PPFIA1: variants seen among roughly 807,000 people sequenced by gnomAD.
The protein encoded by PPFIA1 is PPFI scaffold protein A1.
In PPFIA1, 25 loss-of-function variants were observed where a neutral mutation model predicts 149.9. The ratio of observed to expected loss-of-function variants is 0.17; its 90% CI spans 0.12 to 0.23. The LOEUF (loss-of-function observed/expected upper bound fraction) is 0.23. Among genes scored for constraint, PPFIA1 ranks in the 10% least tolerant of loss-of-function variants. The pLI is 1.00. For synonymous variants in PPFIA1, 549 were observed against 552.8 expected (o/e 0.99, Z 0.10); for missense variants, 1,362 against 1,506.5 (o/e 0.90, Z 1.59).
intron 10 of PPFIA1, among the ~76,000 whole-genome samples, chr11:70,333,937 C>T (rs2054821023): frequency 6.6e-6 from 1 of 152,168 alleles, no homozygotes; most frequent in African/African-American, 2.4e-5. Flanking sequence ...GTCCACTTTT[C>T]TAGGATATGG....
At chr11:70,320,923 A>G (rs1384675252) in intron 2 of PPFIA1, among the ~76,000 whole-genome samples, 5 of 152,180 alleles carry the variant, frequency 3.3e-5, no homozygotes, top group Non-Finnish European at 7.3e-5. Context: ...CACGCAACAG[A>G]ATCCTGCATC....
intron 1 of PPFIA1, 119 bp from the exon 2 acceptor site, chr11:70,272,049 GCATAA>G: frequency 1.8e-6 from 2 of 1,087,384 alleles, no homozygotes; most frequent in Middle Eastern, 3.1e-4. Flanking sequence ...TACACACAAA[GCATAA>G]CAGATCTGAG....
intron 2 of PPFIA1, among the ~76,000 whole-genome samples, chr11:70,295,181 G>GA (rs1220289135): frequency 6.7e-6 from 1 of 150,094 alleles, no homozygotes; most frequent in Non-Finnish European, 1.5e-5. Flanking sequence ...GCCGGGCGGG[G>GA]GGCTGACCCC....
chr11:70,344,120 T>C (rs1037066142), intron 15 of PPFIA1, among the ~76,000 whole-genome samples: 3 of 152,266 alleles, frequency 2.0e-5, no homozygotes. Flanking sequence ...AGTACCTTTC[T>C]GTAGGACATT....
rs779832207 is a variant in PPFIA1 at position 70,348,452 on chromosome 11, C to T, written c.2163+32C>T. ...ATCCGCCCTTTCCCTGCTGTGGCTG[C>T]CCTCAGCATACCTGTATGAAATCTT... is the stretch of plus-strand genomic sequence containing the variant. On this transcript the variant is annotated intron_variant, in intron 16 of 27. Transcript: ENST00000253925. The T allele has an allele frequency of 5.4e-6, 8 of 1,488,716 alleles. No individual in the cohort carries two copies. The South Asian group carries it at 9.1e-5, about 17-fold the overall frequency. 92.2% of individuals were successfully genotyped at this position (1,488,716 alleles called of 1,614,324 possible).
intron 2 of PPFIA1, among the ~76,000 whole-genome samples, chr11:70,298,145 TTCC>T (rs1565361378): frequency 1.3e-5 from 2 of 152,254 alleles, no homozygotes; most frequent in African/African-American, 4.8e-5. Flanking sequence ...GTTTCCTTCC[TTCC>T]GTCAACTTTT....
chr11:70,307,821 G>T (rs569181271), intron 2 of PPFIA1, among the ~76,000 whole-genome samples: 1 of 152,270 alleles, frequency 6.6e-6, no homozygotes, highest in Non-Finnish European at 1.5e-5. Flanking sequence ...AGCTACTTAG[G>T]AGGCTGAAGT....
intron 2 of PPFIA1, among the ~76,000 whole-genome samples, chr11:70,275,400 TG>T (rs1214899345): frequency 1.3e-5 from 2 of 152,252 alleles, no homozygotes; most frequent in African/African-American, 4.8e-5. Context: ...CTCTCTCAGT[TG>T]TATCTTTTGA....
chr11:70,336,708 C>T (rs1056909287), intron 11 of PPFIA1, among the ~76,000 whole-genome samples: 5 of 152,124 alleles, frequency 3.3e-5, no homozygotes, highest in African/African-American at 7.2e-5. Flanking sequence ...GTCACCAGAG[C>T]GAAGGGATAT....
chr11:70,281,921 C>T (rs1215362835), intron 2 of PPFIA1, among the ~76,000 whole-genome samples: 1 of 152,174 alleles, frequency 6.6e-6, no homozygotes, highest in African/African-American at 2.4e-5. Flanking sequence ...GGAGCTGAAG[C>T]GGGCGTGCTC....
intron 16 of PPFIA1, among the ~76,000 whole-genome samples, chr11:70,349,248 C>G (rs1455522154): frequency 6.6e-6 from 1 of 151,868 alleles, no homozygotes; most frequent in African/African-American, 2.4e-5. Context: ...TTCTTCCCTT[C>G]ACAGCTTAGG....
At chr11:70,377,942 TCAG>T (rs2057552850) in intron 25 of PPFIA1, 85 bp from the exon 26 acceptor site, 1 of 1,025,538 alleles carries the variant, frequency 9.8e-7, no homozygotes, top group African/African-American at 1.6e-5. Flanking sequence ...ATTCTCGAGA[TCAG>T]CAGTCATTTT....
At chr11:70,358,866 A>G (rs2056491821) in intron 19 of PPFIA1, among the ~76,000 whole-genome samples, 1 of 152,210 alleles carries the variant, frequency 6.6e-6, no homozygotes, top group African/African-American at 2.4e-5. Flanking sequence ...GTCAGCTTTG[A>G]TAGCGCATAG....
chr11:70,283,817 T>C (rs1447211518), intron 2 of PPFIA1: 2 of 390,088 alleles, frequency 5.1e-6, no homozygotes, highest in African/African-American at 2.1e-5. Flanking sequence ...TGGTGTTTGG[T>C]GGTGTTGAGA....
intron 2 of PPFIA1, among the ~76,000 whole-genome samples, chr11:70,312,533 T>C (rs2053353819): frequency 6.6e-6 from 1 of 152,150 alleles, no homozygotes. Flanking sequence ...TGGTTCCCCC[T>C]ACAGGAGTGT....
intron 7 of PPFIA1, chr11:70,329,744 A>G (rs2054544217): frequency 1.3e-5 from 2 of 153,648 alleles, no homozygotes; most frequent in Admixed American, 1.3e-4. Context: ...CCTGGGCGAT[A>G]TAGTAAGACC....
At chr11:70,347,994 C>T (rs543191773) in intron 15 of PPFIA1, among the ~76,000 whole-genome samples, 195 bp from the exon 16 acceptor site, 1 of 152,236 alleles carries the variant, frequency 6.6e-6, no homozygotes, top group South Asian at 2.1e-4. Flanking sequence ...CAGAGCGAGA[C>T]TCCATCTCAA....
intron 15 of PPFIA1, among the ~76,000 whole-genome samples, chr11:70,347,876 G>T (rs572936583): frequency 6.6e-6 from 1 of 151,608 alleles, no homozygotes; most frequent in South Asian, 2.1e-4. Flanking sequence ...GGTGGCACGC[G>T]CCTGTAATCC....
intron 2 of PPFIA1, among the ~76,000 whole-genome samples, chr11:70,307,616 A>G (rs1267731820): frequency 6.6e-6 from 1 of 151,800 alleles, no homozygotes; most frequent in East Asian, 1.9e-4. Context: ...GGTGTGTGTA[A>G]AAAAAAAGAA....
Sources: gnomAD v4.1 joint callset for allele counts (sites outside exome capture counted in the v4.1 genomes callset) on GRCh38, gnomAD v4.1.1 for gene constraint, MANE v1.5 for transcripts, NCBI Gene and HGNC (gene_info 2026-07-23, HGNC 2026-07-21) for gene names.